Variants in PCSK6 observed in about 807,000 individuals in gnomAD.
PCSK6 encodes proprotein convertase subtilisin/kexin type 6.
PCSK6 carries 85 observed loss-of-function variants against 123.3 expected under a neutral mutation model. That is an observed-to-expected ratio of 0.69 (90% confidence interval 0.58 to 0.83). The LOEUF (loss-of-function observed/expected upper bound fraction) is 0.83, where lower values mean the gene tolerates loss of function less well. PCSK6 is among the 40% of genes least tolerant of loss of function. The probability of loss-of-function intolerance (pLI) is 0.00; values close to 1 mark genes in which losing one functional copy is unlikely to be tolerated. For missense variants in PCSK6, 1,191 were observed against 1,282.3 expected (o/e 0.93, Z 1.09); for synonymous variants, 508 against 516.0 (o/e 0.98, Z 0.21).
At chr15:101,447,918 C>T (rs73483140) in intron 1 of PCSK6, among the ~76,000 whole-genome samples, 85 of 152,364 alleles carry the variant, frequency 5.6e-4, no homozygotes, top group African/African-American at 1.9e-3. Flanking sequence ...GCAGCCTCCT[C>T]CTCCTTCCCT....
intron 13 of PCSK6, among the ~76,000 whole-genome samples, chr15:101,333,032 T>G (rs1229225887): frequency 6.6e-6 from 1 of 152,354 alleles, no homozygotes; most frequent in South Asian, 2.1e-4. Flanking sequence ...CACCATAAGT[T>G]GAAAATATCA....
In PCSK6 at chr15:101,382,099, T is replaced by C; in HGVS notation, c.1525A>G (p.Arg509Gly). The change falls in exon 11 of 22, where the codon AGA becomes GGA. Residue 509 changes from arginine (R) to glycine (G), a missense_variant. Around this residue, in one of 3 missense-constraint regions of PCSK6, gnomAD observed 630 missense variants for 631.4 expected, o/e 1.00. Coordinates refer to ENST00000611716, the MANE Select transcript of PCSK6 (RefSeq NM_002570.5). ...QHMCVAASDKRPRSIPLVQVL... is the reference protein window; with the variant it reads ...QHMCVAASDKGPRSIPLVQVL... ...GCCACAGCAGAGCCTTACCTGGGTC[T>C]CTTGTCCGAGGCGGCCACACACATG... 1 of 1,603,892 alleles carries C rather than the reference T, an allele frequency of 6.2e-7. No homozygotes were observed. Among genetic ancestry groups the C allele is most frequent in the Non-Finnish European group, 8.5e-7 (1 of 1,174,940 alleles).
intron 15 of PCSK6, among the ~76,000 whole-genome samples, chr15:101,329,119 G>A (rs966123071): frequency 2.0e-5 from 3 of 152,216 alleles, no homozygotes; most frequent in Admixed American, 1.3e-4. Context: ...CTCCGTTCAC[G>A]TGCTGAACAG....
At chr15:101,370,065 C>T (rs550807504) in intron 12 of PCSK6, among the ~76,000 whole-genome samples, 12 of 151,942 alleles carry the variant, frequency 7.9e-5, no homozygotes, top group South Asian at 6.2e-4. Context: ...CAACAAAAAA[C>T]GAAACAACAA....
chr15:101,406,092 G>C (rs2042770433), intron 6 of PCSK6, among the ~76,000 whole-genome samples: 1 of 152,262 alleles, frequency 6.6e-6, no homozygotes, highest in African/African-American at 2.4e-5. Flanking sequence ...GTTTGTATAA[G>C]GCAAGGTGAA....
intron 6 of PCSK6, among the ~76,000 whole-genome samples, chr15:101,402,509 G>C (rs1003590972): frequency 1.3e-5 from 2 of 152,092 alleles, no homozygotes; most frequent in Non-Finnish European, 2.9e-5. Flanking sequence ...GAAAATTTTC[G>C]CAACCTACTC....
intron 7 of PCSK6, among the ~76,000 whole-genome samples, chr15:101,395,358 A>G (rs913227954): frequency 6.6e-6 from 1 of 152,204 alleles, no homozygotes; most frequent in East Asian, 1.9e-4. Context: ...CTCCCAGGGG[A>G]CGCCAGTGCT....
intron 13 of PCSK6, among the ~76,000 whole-genome samples, chr15:101,360,635 C>T (rs1482566336): frequency 8.0e-6 from 1 of 125,414 alleles, no homozygotes; most frequent in Non-Finnish European, 1.7e-5. Context: ...GCCCAGGGGC[C>T]TTAGCATCCC....
In PCSK6 at chr15:101,382,069, C is replaced by T. The variant is rs373967345; in HGVS notation, c.1532+23G>A. On this transcript the variant is annotated intron_variant, in intron 11 of 21. Transcript: ENST00000611716. ...CCAAACCCACGTGCCTGAGAAGTCA[C>T]CGATGCCACAGCAGAGCCTTACCTG... is the stretch of plus-strand genomic sequence containing the variant. 1.3e-4 allele frequency: 194 copies of T among 1,540,622 alleles called. 1 individual carries two copies. The highest frequency in any genetic ancestry group is 1.3e-4 in the Non-Finnish European group (143 of 1,127,254).
intron 12 of PCSK6, among the ~76,000 whole-genome samples, chr15:101,367,853 CTCTT>C (rs1287817128): frequency 3.9e-5 from 6 of 152,188 alleles, no homozygotes; most frequent in African/African-American, 1.2e-4. Context: ...GAGACAGACT[CTCTT>C]TCTGTCACCC....
At chr15:101,384,113 C>G in intron 10 of PCSK6, 1 of 985,246 alleles carries the variant, frequency 1.0e-6, no homozygotes, top group Non-Finnish European at 1.2e-6. Flanking sequence ...AGACCCCAGA[C>G]TCTTGTGACC....
At chr15:101,353,253 A>G (rs1254260385) in intron 13 of PCSK6, among the ~76,000 whole-genome samples, 3 of 152,192 alleles carry the variant, frequency 2.0e-5, no homozygotes, top group Non-Finnish European at 4.4e-5. Context: ...GGAGCGTGCA[A>G]CCTAGATCCC....
chr15:101,414,504 G>A (rs982046391), intron 6 of PCSK6, among the ~76,000 whole-genome samples: 3 of 152,146 alleles, frequency 2.0e-5, no homozygotes, highest in African/African-American at 7.2e-5. Context: ...AGGAGGTGAC[G>A]ACAGACAGAA....
At chr15:101,326,608 T>A in intron 15 of PCSK6, 129 bp from the exon 16 acceptor site, 1 of 852,446 alleles carries the variant, frequency 1.2e-6, no homozygotes, top group Non-Finnish European at 1.8e-6. Flanking sequence ...CCGCTGGGGC[T>A]GGACGGCCAG....
chr15:101,383,225 G>A (rs1181095030), intron 10 of PCSK6, among the ~76,000 whole-genome samples: 1 of 151,918 alleles, frequency 6.6e-6, no homozygotes, highest in Admixed American at 6.6e-5. Flanking sequence ...TGGGCAACAC[G>A]GTGAAACCCC....
intron 15 of PCSK6, among the ~76,000 whole-genome samples, chr15:101,327,729 G>A (rs370566088): frequency 7.9e-5 from 12 of 152,108 alleles, no homozygotes; most frequent in Non-Finnish European, 1.0e-4. Flanking sequence ...CTCTTCACTC[G>A]TCTTGAAGTC....
chr15:101,387,882 G>A (rs967073084), intron 9 of PCSK6, among the ~76,000 whole-genome samples: 3 of 152,250 alleles, frequency 2.0e-5, no homozygotes, highest in Non-Finnish European at 4.4e-5. Context: ...GACATCAACC[G>A]TTCCTTCCTT....
At chr15:101,390,045 C>G (rs527271143) in intron 8 of PCSK6, among the ~76,000 whole-genome samples, 2 of 152,202 alleles carry the variant, frequency 1.3e-5, no homozygotes, top group South Asian at 2.1e-4. Context: ...CCAGGTGGCT[C>G]AGAGAGAGTT....
intron 11 of PCSK6, among the ~76,000 whole-genome samples, chr15:101,379,601 AG>A (rs1190627278): frequency 6.6e-6 from 1 of 152,216 alleles, no homozygotes; most frequent in African/African-American, 2.4e-5. Flanking sequence ...CAGGACATTC[AG>A]GAAGTCCTAG....
Sources: allele counts gnomAD v4.1 joint callset (sites outside exome capture counted in the v4.1 genomes callset), GRCh38; gene constraint gnomAD v4.1.1; regional missense constraint gnomAD v4.1.1; transcripts MANE v1.5; gene names NCBI Gene and HGNC (gene_info 2026-07-23, HGNC 2026-07-21).